Variants in XYLB observed in about 807,000 individuals in gnomAD.
XYLB encodes the protein xylulose kinase.
In XYLB, 62 loss-of-function variants were observed where a neutral mutation model predicts 78.7. The observed-to-expected ratio is 0.79, with a 90% CI of 0.64 to 0.97. The LOEUF is 0.97. XYLB is among the 50% of genes least tolerant of loss of function. The pLI is 0.00. For missense variants in XYLB, 687 were observed against 676.8 expected (o/e 1.02, Z -0.17); for synonymous variants, 245 against 247.4 (o/e 0.99, Z 0.09).
downstream of XYLB, among the ~76,000 whole-genome samples, chr3:38,422,290 A>C (rs1299629742): frequency 6.6e-6 from 1 of 152,226 alleles, no homozygotes; most frequent in Non-Finnish European, 1.5e-5. Context: ...TTCCCTGGAA[A>C]GCAGAGCCAG....
chr3:38,389,440 G>T (rs1187350820), intron 15 of XYLB, among the ~76,000 whole-genome samples: 1 of 151,996 alleles, frequency 6.6e-6, no homozygotes, highest in East Asian at 1.9e-4. Flanking sequence ...ATCATGGCCC[G>T]TTCTCAATGA....
At chr3:38,425,221 G>A (rs1486259877), downstream of XYLB, among the ~76,000 whole-genome samples, 5 of 152,206 alleles carry the variant, frequency 3.3e-5, no homozygotes, top group African/African-American at 1.2e-4. Context: ...TCTTCTGCCT[G>A]TATTAAATGG....
intron 2 of XYLB, among the ~76,000 whole-genome samples, chr3:38,352,180 T>C (rs1705401533): frequency 6.6e-6 from 1 of 152,084 alleles, no homozygotes; most frequent in African/African-American, 2.4e-5. Context: ...ATGAAAAGTA[T>C]ACAGTGAAAA....
chr3:38,392,760 G>C (rs1309500111), intron 15 of XYLB, among the ~76,000 whole-genome samples: 1 of 152,016 alleles, frequency 6.6e-6, no homozygotes, highest in East Asian at 1.9e-4. Context: ...AGTTTTTTGT[G>C]TTGCAGATAT....
chr3:38,362,784 C>T (rs904861333), intron 3 of XYLB, among the ~76,000 whole-genome samples, 153 bp from the exon 4 acceptor site: 1 of 152,140 alleles, frequency 6.6e-6, no homozygotes, highest in African/African-American at 2.4e-5. Flanking sequence ...AATTAATGTA[C>T]TCTAGTGCTT....
At chr3:38,424,673 C>T (rs527913553), downstream of XYLB, among the ~76,000 whole-genome samples, 31 of 152,276 alleles carry the variant, frequency 2.0e-4, no homozygotes, top group Admixed American at 7.2e-4. Flanking sequence ...GAGGTGCTGA[C>T]GGTTTTGAGA....
chr3:38,378,727 G>A lies in XYLB; in HGVS notation c.1195-519G>A, dbSNP rs140238055. 3.3e-5 allele frequency among the ~76,000 whole-genome samples: 5 copies of A among 151,456 alleles called. No homozygotes were observed. The East Asian group carries it at 9.7e-4, about 29-fold the overall frequency. ...AGCATTGGTCTCAGGTGCCAGAGAAGCAGGAGTGAGCCTGGGGTTGATGCC... is the reference window on the plus strand; with the variant it reads ...AGCATTGGTCTCAGGTGCCAGAGAAACAGGAGTGAGCCTGGGGTTGATGCC... On this transcript the variant is annotated intron_variant, in intron 14 of 18. Transcript: ENST00000207870.
At chr3:38,374,653 C>T (rs568543404) in intron 11 of XYLB, 151 bp downstream of exon 11, 12 of 944,086 alleles carry the variant, frequency 1.3e-5, no homozygotes, top group East Asian at 8.0e-5. Context: ...GAGTGTCTGC[C>T]GGTTCCAAAA....
At chr3:38,442,870 G>A in the XYLB span, among the ~76,000 whole-genome samples, 67 of 152,164 alleles carry the variant, frequency 4.4e-4, no homozygotes, top group South Asian at 1.5e-3. Flanking sequence ...GGATTGGGCG[G>A]GCATTTTTGC....
intron 5 of XYLB, 142 bp downstream of exon 5, chr3:38,365,427 A>G: frequency 7.3e-7 from 1 of 1,363,770 alleles, no homozygotes; most frequent in Non-Finnish European, 1.0e-6. Context: ...GCTTTTGGGG[A>G]GAGACCCCAC....
chr3:38,384,326 A>G (rs1707286865), intron 15 of XYLB, among the ~76,000 whole-genome samples: 1 of 152,300 alleles, frequency 6.6e-6, no homozygotes, highest in African/African-American at 2.4e-5. Flanking sequence ...TCGGCCTCCC[A>G]AAGTGCTGGG....
intron 2 of XYLB, among the ~76,000 whole-genome samples, chr3:38,350,684 T>C (rs926598279): frequency 3.3e-5 from 5 of 152,166 alleles, no homozygotes; most frequent in African/African-American, 9.7e-5. Context: ...CCTTCTTTTC[T>C]AATATATGCA....
At chr3:38,440,363 G>T in the XYLB span, among the ~76,000 whole-genome samples, 2 of 152,190 alleles carry the variant, frequency 1.3e-5, no homozygotes, top group Non-Finnish European at 2.9e-5. Flanking sequence ...AGTACTTTAA[G>T]GTTTGGCTGA....
chr3:38,448,955 A>C, the XYLB span, among the ~76,000 whole-genome samples: 1 of 152,096 alleles, frequency 6.6e-6, no homozygotes, highest in African/African-American at 2.4e-5. Flanking sequence ...GCTCGCCCAC[A>C]CAGCTTTTGT....
At position 38,401,752 on chromosome 3, in the gene XYLB, G is replaced by A. The variant is rs556132391; in HGVS notation, c.1533+767G>A. Among the ~76,000 whole-genome samples, 450 of 152,216 alleles carry A rather than the reference G, an allele frequency of 3.0e-3. 1 individual carries two copies. The highest frequency in any genetic ancestry group is 5.1e-3 in the Non-Finnish European group (349 of 68,006). ...GTGGGCTGTCAGCTGAGGGCTCTCT[G>A]CCAACAGCACTCCCATCAGTTGGGA... On this transcript the variant is annotated intron_variant, in intron 18 of 18. Transcript: ENST00000207870.
chr3:38,349,225 C>A (rs536311256), intron 2 of XYLB, among the ~76,000 whole-genome samples: 2 of 152,314 alleles, frequency 1.3e-5, no homozygotes, highest in African/African-American at 4.8e-5. Flanking sequence ...ATGGTTCATT[C>A]CTTCATGCAA....
chr3:38,368,801 A>G (rs1308702519), intron 8 of XYLB, among the ~76,000 whole-genome samples: 3 of 151,998 alleles, frequency 2.0e-5, no homozygotes, highest in African/African-American at 7.2e-5. Context: ...ACCCAGTATA[A>G]TGTTGGGGAG....
Position 38,363,024 on chromosome 3 carries a change from T to C in XYLB, c.291+7T>C. 2 of 1,540,992 alleles carry C rather than the reference T, an allele frequency of 1.3e-6. No homozygotes were observed. Reference sequence around the variant, plus strand: ...CTTGTCCGGGGCGGGCCAGGTTCGTTTGCAGCAGACTCTGTCTGCCATGTG... The same window carrying C: ...CTTGTCCGGGGCGGGCCAGGTTCGTCTGCAGCAGACTCTGTCTGCCATGTG... On this transcript the variant is annotated splice_region_variant and intron_variant, in intron 4 of 18. Transcript: ENST00000207870.
chr3:38,396,690 T>A (rs1180858698), intron 16 of XYLB, among the ~76,000 whole-genome samples: 1 of 152,230 alleles, frequency 6.6e-6, no homozygotes, highest in Admixed American at 6.5e-5. Flanking sequence ...TTCACCATTA[T>A]GCCCATGAAA....
Sources: gnomAD v4.1 joint callset for allele counts (sites outside exome capture counted in the v4.1 genomes callset) on GRCh38, gnomAD v4.1.1 for gene constraint, MANE v1.5 for transcripts, NCBI Gene and HGNC (gene_info 2026-07-23, HGNC 2026-07-21) for gene names.